ACAT1: variants seen among roughly 807,000 people sequenced by gnomAD.
ACAT1 encodes acetyl-CoA acetyltransferase 1.
A neutral mutation model predicts 47.3 loss-of-function variants in ACAT1; 28 were observed. The observed-to-expected ratio is 0.59, with a 90% confidence interval of 0.44 to 0.81. ACAT1 has a LOEUF of 0.81. Among genes scored for constraint, ACAT1 ranks in the 30% least tolerant of loss-of-function variants. ACAT1 has a pLI of 0.00. For missense variants in ACAT1, 469 were observed against 524.3 expected (o/e 0.89, Z 1.03); for synonymous variants, 181 against 173.6 (o/e 1.04, Z -0.34).
At chr11:108,136,215 C>G (rs2077465715) in intron 5 of ACAT1, 1 of 485,280 alleles carries the variant, frequency 2.1e-6, no homozygotes, top group African/African-American at 2.0e-5. Context: ...GAGACAGCCA[C>G]AGAGTTACAG....
At chr11:108,135,657 G>C (rs561683321) in intron 5 of ACAT1, among the ~76,000 whole-genome samples, 75 of 152,096 alleles carry the variant, frequency 4.9e-4, no homozygotes, top group African/African-American at 1.8e-3. Context: ...GTGAAACCCC[G>C]TCTCTACTAA....
At chr11:108,119,043 C>G (rs1300279558), upstream of ACAT1, among the ~76,000 whole-genome samples, 1 of 152,196 alleles carries the variant, frequency 6.6e-6, no homozygotes, top group African/African-American at 2.4e-5. Context: ...CCAATTGCAA[C>G]TGTGTCACTA....
At chr11:108,118,807 A>G (rs1163974861), upstream of ACAT1, among the ~76,000 whole-genome samples, 1 of 152,220 alleles carries the variant, frequency 6.6e-6, no homozygotes, top group Non-Finnish European at 1.5e-5. Context: ...TAAATGTACT[A>G]TTCTTCTCCC....
At chr11:108,143,773 AC>A (rs2077639869) in intron 9 of ACAT1, 4 of 239,174 alleles carry the variant, frequency 1.7e-5, no homozygotes, top group African/African-American at 7.0e-5. Context: ...AGAGGCAAAT[AC>A]CCCCAAACTC....
intron 10 of ACAT1, among the ~76,000 whole-genome samples, chr11:108,145,863 T>C (rs2077696207): frequency 6.6e-6 from 1 of 152,100 alleles, no homozygotes; most frequent in Non-Finnish European, 1.5e-5. Flanking sequence ...TGGCCAAACA[T>C]GGTGAAACCC....
chr11:108,123,691 T>G (rs1469396565), intron 1 of ACAT1, among the ~76,000 whole-genome samples: 1 of 152,156 alleles, frequency 6.6e-6, no homozygotes, highest in Non-Finnish European at 1.5e-5. Flanking sequence ...TTTTAATTAT[T>G]TTTTTAAATC....
intron 9 of ACAT1, chr11:108,143,734 A>C: frequency 2.7e-6 from 1 of 372,254 alleles, no homozygotes; most frequent in Non-Finnish European, 4.9e-6. Context: ...TGACAACCAA[A>C]AACATCTCTA....
chr11:108,142,451 G>A lies in ACAT1; in HGVS notation c.841G>A (p.Ala281Thr), dbSNP rs200640435. The A allele has an allele frequency of 1.2e-6, 2 of 1,614,064 alleles. No homozygotes were observed. The highest frequency in any genetic ancestry group is 4.5e-5 in the East Asian group (2 of 44,872). Residue 281 changes from alanine to threonine, a missense_variant, in exon 9 of 12, where the codon GCC becomes ACC. Coordinates refer to ENST00000265838, the MANE Select transcript of ACAT1 (RefSeq NM_000019.4). Reference protein sequence around the residue: ...FQKENGTVTAANASTLNDGAA... With the variant: ...FQKENGTVTATNASTLNDGAA... ...TTTGCTTTCAGGCACAGTAACAGCT[G>A]CCAATGCCAGTACACTGAATGATGG... is the stretch of plus-strand genomic sequence containing the variant.
chr11:108,133,500 AAAAC>A (rs1338684330), intron 2 of ACAT1, among the ~76,000 whole-genome samples: 1 of 152,140 alleles, frequency 6.6e-6, no homozygotes, highest in Admixed American at 6.6e-5. Context: ...CAAAAATACA[AAAAC>A]AAACAAAAAA....
In ACAT1 at chr11:108,126,938, G is replaced by A. The variant is rs185768794; in HGVS notation, c.73-4969G>A. ...CTCTGGAGTAGCTGGGATTACAGGC[G>A]CGTGCCACCATGCCCTGTTATTTTT... On this transcript the variant is annotated intron_variant, in intron 1 of 11. Coordinates refer to ENST00000265838, the MANE Select transcript of ACAT1 (RefSeq NM_000019.4). 6.6e-5 allele frequency among the ~76,000 whole-genome samples: 10 copies of A among 151,792 alleles called. 1 individual carries two copies. The South Asian group carries it at 1.0e-3, about 16-fold the overall frequency.
upstream of ACAT1, among the ~76,000 whole-genome samples, chr11:108,117,442 G>C (rs1215401770): frequency 2.0e-5 from 3 of 151,912 alleles, no homozygotes; most frequent in South Asian, 2.1e-4. Context: ...TGAGTAGCTG[G>C]GCTTACAGAA....
At chr11:108,141,780 G>A (rs1440365215) in intron 8 of ACAT1, 80 bp downstream of exon 8, 2 of 593,316 alleles carry the variant, frequency 3.4e-6, no homozygotes, top group Non-Finnish European at 5.4e-6. Context: ...TAAGGATTTT[G>A]AAAAATTCTA....
chr11:108,142,119 T>C (rs878865445), intron 8 of ACAT1, among the ~76,000 whole-genome samples: 1 of 152,182 alleles, frequency 6.6e-6, no homozygotes, highest in Admixed American at 6.5e-5. Flanking sequence ...CTGCTATATA[T>C]TGAATAAGGA....
chr11:108,123,220 AGAGT>A (rs2077184055), intron 1 of ACAT1, among the ~76,000 whole-genome samples: 1 of 152,210 alleles, frequency 6.6e-6, no homozygotes, highest in African/African-American at 2.4e-5. Flanking sequence ...CCTGGGCAAC[AGAGT>A]GAGACTCCGT....
chr11:108,122,563 C>T (rs770007687), intron 1 of ACAT1, among the ~76,000 whole-genome samples: 1 of 152,184 alleles, frequency 6.6e-6, no homozygotes, highest in Non-Finnish European at 1.5e-5. Flanking sequence ...CTAGTTCTTA[C>T]GTCTGGGCGT....
Position 108,133,928 on chromosome 11 carries a change from G to A in ACAT1, c.229G>A (p.Glu77Lys), listed in dbSNP as rs772848693. 2.2e-5 allele frequency: 35 copies of A among 1,613,682 alleles called. No individual in the cohort carries two copies. The highest frequency in any genetic ancestry group is 2.6e-5 in the Non-Finnish European group (31 of 1,179,764). Residue 77 changes from glutamate to lysine, a missense_variant, in exon 3 of 12, where the codon GAA (glutamate) becomes AAA (lysine). Glu to Lys is a moderately conservative substitution (Grantham distance 56). Coordinates refer to ENST00000265838, the MANE Select transcript of ACAT1 (RefSeq NM_000019.4). ...TTCCATTGCAATTCAGGGAGCCATT[G>A]AAAAGGCAGGTCAGTAGTTACTTGG... ...LGSIAIQGAI[E>K]KAGIPKEEVK...
chr11:108,121,748 C>T, intron 1 of ACAT1, 70 bp downstream of exon 1: 1 of 1,510,740 alleles, frequency 6.6e-7, no homozygotes, highest in South Asian at 1.2e-5. Flanking sequence ...AAGCTTCCAG[C>T]CCGCGGCCGT....
rs957662201 is a variant in ACAT1, at chr11:108,143,857, CAT to C, written c.941-121_941-120del. On this transcript the variant is annotated intron_variant, in intron 9 of 11. Coordinates refer to ENST00000265838, the MANE Select transcript of ACAT1 (RefSeq NM_000019.4). ...AGTGTAGAATCCTAGAAAAGGAAGA[CAT>C]ATATTTACATATATTAAAGGGGCTA... 102 of 914,404 alleles carry C rather than the reference CAT, an allele frequency of 1.1e-4. No individual in the cohort carries two copies. In the African/African-American group the frequency reaches 1.8e-3, roughly 16 times the overall value. 56.6% of individuals were successfully genotyped at this position (914,404 alleles called of 1,614,324 possible). A position where few individuals can be genotyped will look rare whatever the true frequency, so the allele number is the denominator to read the frequency against.
intron 1 of ACAT1, among the ~76,000 whole-genome samples, chr11:108,131,465 C>A (rs1188734981): frequency 6.8e-6 from 1 of 147,660 alleles, no homozygotes; most frequent in African/African-American, 2.5e-5. Context: ...TATTCTCCTG[C>A]CTCAGCCTCT....
Sources: allele counts gnomAD v4.1 joint callset (sites outside exome capture counted in the v4.1 genomes callset), GRCh38; gene constraint gnomAD v4.1.1; transcripts MANE v1.5; gene names NCBI Gene and HGNC (gene_info 2026-07-23, HGNC 2026-07-21).